COPS4: variants seen among roughly 807,000 people sequenced by gnomAD.
The protein encoded by COPS4 is COP9 signalosome complex subunit 4.
In COPS4, 8 loss-of-function variants were observed where a neutral mutation model predicts 55.1. The observed-to-expected ratio is 0.15, with a 90% CI of 0.09 to 0.26. The LOEUF (loss-of-function observed/expected upper bound fraction) is 0.26, where lower values mean the gene tolerates loss of function less well. COPS4 is among the 10% of genes least tolerant of loss of function. COPS4 has a pLI of 1.00. For missense variants in COPS4, 248 were observed against 484.0 expected (o/e 0.51, Z 4.58); for synonymous variants, 185 against 165.7 (o/e 1.12, Z -0.90).
Position 83,049,102 on chromosome 4 carries a change from G to T in COPS4, c.155-64G>T, listed in dbSNP as rs1229632738. Reference sequence around the variant, plus strand: ...TTGTTAGTATTAATTTTAAGTAAAGGTTGATTGTTTAATGACAATTTATCA... The same window carrying T: ...TTGTTAGTATTAATTTTAAGTAAAGTTTGATTGTTTAATGACAATTTATCA... On this transcript the variant is annotated intron_variant, in intron 2 of 9. Transcript: ENST00000264389. The T allele has an allele frequency of 4.1e-6, 6 of 1,465,358 alleles. No individual in the cohort carries two copies. In the African/African-American group the frequency reaches 5.7e-5, roughly 14 times the overall value. 90.8% of individuals were successfully genotyped at this position (1,465,358 alleles called of 1,614,324 possible).
In COPS4 at chr4:83,063,224, C is replaced by T; in HGVS notation, c.864C>T (p.His288=). The T allele has an allele frequency of 6.2e-7, 1 of 1,612,358 alleles. No individual in the cohort carries two copies. Among genetic ancestry groups the T allele is most frequent in the African/African-American group, 1.3e-5 (1 of 74,824 alleles). ...AATTTGCTGCCATGCTGATGCCTCA[C>T]CAAAAAGCAACTACAGCTGATGGTA... The part of the protein sequence containing the change: ...LQEFAAMLMP[H]QKATTADGSS... Residue 288 remains histidine, a synonymous_variant, in exon 7 of 10, where the codon CAC becomes CAT. Coordinates refer to ENST00000264389, the MANE Select transcript of COPS4 (RefSeq NM_016129.3).
chr4:83,062,505 G>A (rs565867488), intron 6 of COPS4, among the ~76,000 whole-genome samples: 6 of 152,296 alleles, frequency 3.9e-5, no homozygotes, highest in East Asian at 3.9e-4. Context: ...GTTTCCACCC[G>A]AGGTTGAACA....
chr4:83,070,280 A>G (rs917475084), intron 9 of COPS4, among the ~76,000 whole-genome samples: 2 of 151,924 alleles, frequency 1.3e-5, no homozygotes, highest in African/African-American at 2.4e-5. Context: ...AATCTCATCT[A>G]TTTCCTTTGA....
intron 9 of COPS4, 51 bp downstream of exon 9, chr4:83,068,573 T>TTTC: frequency 1.8e-6 from 2 of 1,129,836 alleles, no homozygotes; most frequent in Non-Finnish European, 2.7e-6. Context: ...TGAACTGTTA[T>TTTC]ATTTGTGATT....
At chr4:83,063,555 C>A (rs530656756) in intron 7 of COPS4, among the ~76,000 whole-genome samples, 2 of 150,846 alleles carry the variant, frequency 1.3e-5, no homozygotes, top group South Asian at 4.2e-4. Flanking sequence ...CTACAGGCGC[C>A]CGCCACCACG....
At chr4:83,062,555 A>G (rs1731185594) in intron 6 of COPS4, among the ~76,000 whole-genome samples, 1 of 88,548 alleles carries the variant, frequency 1.1e-5, no homozygotes, top group Non-Finnish European at 2.2e-5. Context: ...TATACTGTAC[A>G]CAAATGTCCT....
chr4:83,073,440 G>A, intron 9 of COPS4: 1 of 407,324 alleles, frequency 2.5e-6, no homozygotes, highest in South Asian at 1.1e-4. Context: ...TTCATTTTCA[G>A]AATTATCTTG....
intron 6 of COPS4, among the ~76,000 whole-genome samples, chr4:83,058,135 C>T (rs771870493): frequency 9.2e-5 from 14 of 151,368 alleles, no homozygotes; most frequent in Non-Finnish European, 1.2e-4. Flanking sequence ...TTCTTCAATA[C>T]GTGTAACAAA....
At chr4:83,038,111 G>A (rs1013008374) in intron 1 of COPS4, among the ~76,000 whole-genome samples, 4 of 152,166 alleles carry the variant, frequency 2.6e-5, no homozygotes, top group Non-Finnish European at 5.9e-5. Flanking sequence ...GAGCCACAAC[G>A]GAGGATAGAC....
intron 7 of COPS4, chr4:83,065,265 A>G (rs1237546489): frequency 2.4e-6 from 1 of 425,444 alleles, no homozygotes; most frequent in African/African-American, 2.0e-5. Context: ...GTCTGAATTC[A>G]AAAGGGAGAT....
chr4:83,061,887 G>A lies in COPS4; in HGVS notation c.716-1189G>A, dbSNP rs145302670. Among the ~76,000 whole-genome samples, 7 of 152,232 alleles carry A rather than the reference G, an allele frequency of 4.6e-5. No individual in the cohort carries two copies. In the South Asian group the frequency reaches 1.0e-3, roughly 23 times the overall value. On this transcript the variant is annotated intron_variant, in intron 6 of 9. Coordinates refer to ENST00000264389, the MANE Select transcript of COPS4 (RefSeq NM_016129.3). ...CATTAATCTTTGAATACTTCCCTGC[G>A]AATTAGCAGAAAAAGGAACTTGGAT...
intron 6 of COPS4, 135 bp from the exon 7 acceptor site, chr4:83,062,941 C>T (rs1185709890): frequency 1.4e-5 from 10 of 706,370 alleles, no homozygotes; most frequent in Non-Finnish European, 2.3e-5. Flanking sequence ...GACTGCAGAC[C>T]ATAATTACCA....
rs1397173860 is a variant in COPS4, at chr4:83,075,514, G to T, written c.*84G>T. On this transcript the variant is annotated 3_prime_UTR_variant, in exon 10 of 10. Transcript: ENST00000264389. The stretch of plus-strand genomic sequence containing the variant: ...ACTATCTCCAAAGCATTTGCATCAT[G>T]ACCTTATACATTTCAATCCCTTTTA... The T allele has an allele frequency of 1.2e-5, 17 of 1,472,130 alleles. No homozygotes were observed. Among genetic ancestry groups the T allele is most frequent in the Non-Finnish European group, 1.6e-5 (17 of 1,073,924 alleles). 91.2% of individuals were successfully genotyped at this position (1,472,130 alleles called of 1,614,324 possible). A position where few individuals can be genotyped will look rare whatever the true frequency, so the allele number is the denominator to read the frequency against.
intron 4 of COPS4, among the ~76,000 whole-genome samples, chr4:83,054,729 G>GT (rs1730975294): frequency 6.6e-6 from 1 of 152,144 alleles, no homozygotes; most frequent in African/African-American, 2.4e-5. Context: ...ATTAGATACT[G>GT]TTTTTTGCAG....
At chr4:83,070,841 G>A (rs868127651) in intron 9 of COPS4, among the ~76,000 whole-genome samples, 1 of 152,164 alleles carries the variant, frequency 6.6e-6, no homozygotes, top group Non-Finnish European at 1.5e-5. Flanking sequence ...TGTAATGAAT[G>A]TCTTCCCCAT....
chr4:83,063,044 T>A, intron 6 of COPS4, 32 bp from the exon 7 acceptor site: 3 of 1,503,762 alleles, frequency 2.0e-6, no homozygotes, highest in Non-Finnish European at 2.7e-6. Flanking sequence ...AAAATAACAT[T>A]GTGAAATTTG....
intron 4 of COPS4, among the ~76,000 whole-genome samples, chr4:83,051,395 C>T (rs1039079065): frequency 6.6e-5 from 10 of 152,066 alleles, no homozygotes; most frequent in African/African-American, 2.4e-4. Context: ...GCTGTACTCC[C>T]ACCTAGGGCA....
At chr4:83,038,458 T>C (rs1314452582) in intron 1 of COPS4, among the ~76,000 whole-genome samples, 2 of 152,214 alleles carry the variant, frequency 1.3e-5, no homozygotes, top group African/African-American at 4.8e-5. Context: ...ATCTACCTTT[T>C]TGGCCTTATT....
intron 9 of COPS4, among the ~76,000 whole-genome samples, chr4:83,069,345 C>A (rs185197518): frequency 6.6e-6 from 1 of 152,204 alleles, no homozygotes; most frequent in Non-Finnish European, 1.5e-5. Flanking sequence ...GGTCTGTGGT[C>A]TGTCTCCGTT....
Sources: allele counts gnomAD v4.1 joint callset (sites outside exome capture counted in the v4.1 genomes callset), GRCh38; gene constraint gnomAD v4.1.1; transcripts MANE v1.5; gene names NCBI Gene and HGNC (gene_info 2026-07-23, HGNC 2026-07-21).